The following CELSR1 variants were observed in gnomAD, a reference collection of about 807,000 sequenced individuals.
CELSR1 encodes the protein cadherin EGF LAG seven-pass G-type receptor 1, also known as adhesion G protein-coupled receptor C1.
Under a neutral mutation model 249.1 loss-of-function variants are expected in CELSR1, and 110 were observed. The observed-to-expected ratio is 0.44, with a 90% confidence interval of 0.38 to 0.52. CELSR1 has a LOEUF of 0.52. CELSR1 is among the 20% of genes least tolerant of loss of function. The probability of loss-of-function intolerance (pLI) is 0.00; values close to 1 mark genes in which losing one functional copy is unlikely to be tolerated. For synonymous variants in CELSR1, 2,113 were observed against 1,900.0 expected (o/e 1.11, Z -2.92); for missense variants, 4,109 against 4,296.4 (o/e 0.96, Z 1.22).
chr22:46,402,066 C>A lies in CELSR1; in HGVS notation c.5227-2164G>T, dbSNP rs1395535225. On this transcript the variant is annotated intron_variant, in intron 9 of 34. Transcript: ENST00000674500. The surrounding 1 kb of genome is among the most constrained non-coding windows in gnomAD (Gnocchi z 5.0). ...TCACGCCACCGCACTCCAGCCTGGGCGATGGAGCGAGACTCCATCTCAAAA... is the reference window on the plus strand; with the variant it reads ...TCACGCCACCGCACTCCAGCCTGGGAGATGGAGCGAGACTCCATCTCAAAA... Among the ~76,000 whole-genome samples the A allele has an allele frequency of 1.3e-5, 2 of 151,906 alleles. No individual in the cohort carries two copies. Among genetic ancestry groups the A allele is most frequent in the African/African-American group, 4.8e-5 (2 of 41,338 alleles).
At chr22:46,487,732 G>A (rs1286828619) in intron 1 of CELSR1, among the ~76,000 whole-genome samples, 2 of 103,762 alleles carry the variant, frequency 1.9e-5, no homozygotes, top group Non-Finnish European at 2.0e-5. Flanking sequence ...GGTGGGGGGT[G>A]AGGGGGAGGG....
At chr22:46,475,659 T>TTG (rs71318836) in intron 1 of CELSR1, among the ~76,000 whole-genome samples, 1 of 149,722 alleles carries the variant, frequency 6.7e-6, no homozygotes, top group Admixed American at 6.8e-5. Flanking sequence ...AAGAAACGAA[T>TTG]GGGGGGGGAA....
In CELSR1 at chr22:46,412,559, G is replaced by A. The variant is rs1452745224; in HGVS notation, c.4612-800C>T. On this transcript the variant is annotated intron_variant, in intron 5 of 34. Coordinates refer to ENST00000674500, the MANE Select transcript of CELSR1 (RefSeq NM_001378328.1). This position sits in a 1 kb window ranked among gnomAD's most constrained non-coding sequence, Gnocchi z 4.5. ...GTACAAGAGTTCTTCTGGAATCAGTGACCTTGGGTGAAACCTTTCCCTTCT... is the reference window on the plus strand; with the variant it reads ...GTACAAGAGTTCTTCTGGAATCAGTAACCTTGGGTGAAACCTTTCCCTTCT... Among the ~76,000 whole-genome samples the A allele has an allele frequency of 6.6e-6, 1 of 152,166 alleles. No homozygotes were observed. The highest frequency in any genetic ancestry group is 1.5e-5 in the Non-Finnish European group (1 of 68,038).
chr22:46,432,800 A>AT (rs140171389), intron 5 of CELSR1, among the ~76,000 whole-genome samples: 3,885 of 152,174 alleles, frequency 0.026, 75 homozygotes, highest in African/African-American at 0.048. Flanking sequence ...CTGCAAATGA[A>AT]TAAGCCCTTT....
Position 46,488,893 on chromosome 22 carries a change from T to A in CELSR1, c.3545-24548A>T, listed in dbSNP as rs1271885242. Among the ~76,000 whole-genome samples the A allele has an allele frequency of 6.6e-6, 1 of 151,816 alleles. No homozygotes were observed. The highest frequency in any genetic ancestry group is 1.5e-5 in the Non-Finnish European group (1 of 68,004). On this transcript the variant is annotated intron_variant, in intron 1 of 34. Coordinates refer to ENST00000674500, the MANE Select transcript of CELSR1 (RefSeq NM_001378328.1). The surrounding 1 kb of genome is among the most constrained non-coding windows in gnomAD (Gnocchi z 4.7). Reference sequence around the variant, plus strand: ...CCAGGATGGTCTCGATCTCCTGACCTCATGATCCGCCTGCCTCGGCTTCCC... The same window carrying A: ...CCAGGATGGTCTCGATCTCCTGACCACATGATCCGCCTGCCTCGGCTTCCC...
At position 46,428,560 on chromosome 22, in the gene CELSR1, T is replaced by A. The variant is rs376517812; in HGVS notation, c.4611+4833A>T. 3.9e-5 allele frequency among the ~76,000 whole-genome samples: 6 copies of A among 152,322 alleles called. No individual in the cohort carries two copies. The East Asian group carries it at 9.6e-4, about 24-fold the overall frequency. The stretch of plus-strand genomic sequence containing the variant: ...CATGACCTCAGGGGCCTGACAATGA[T>A]GAAGACCTCTTGGTTGTCAAAACCG... On this transcript the variant is annotated intron_variant, in intron 5 of 34. Transcript: ENST00000674500. This position sits in a 1 kb window ranked among gnomAD's most constrained non-coding sequence, Gnocchi z 5.7.
At position 46,380,091 on chromosome 22, in the gene CELSR1, A is replaced by G. The variant is rs975345917; in HGVS notation, c.7256+697T>C. ...CAAAGCACAAACACTACTGGCTCCC[A>G]GCAGACGGGAGCCACACTGTGGTGC... On this transcript the variant is annotated intron_variant, in intron 22 of 34. Coordinates refer to ENST00000674500, the MANE Select transcript of CELSR1 (RefSeq NM_001378328.1). The surrounding 1 kb of genome is among the most constrained non-coding windows in gnomAD (Gnocchi z 5.1). Among the ~76,000 whole-genome samples, 7 of 152,376 alleles carry G rather than the reference A, an allele frequency of 4.6e-5. No individual in the cohort carries two copies. The highest frequency in any genetic ancestry group is 3.9e-4 in the Admixed American group (6 of 15,312).
chr22:46,478,738 G>C (rs2080236298), intron 1 of CELSR1, among the ~76,000 whole-genome samples: 1 of 148,698 alleles, frequency 6.7e-6, no homozygotes, highest in Non-Finnish European at 1.5e-5. Context: ...ATTTTTAGTA[G>C]AGACGGGGTT....
rs772248884 is a variant in CELSR1, at chr22:46,399,818, C to T, written c.5311G>A (p.Asp1771Asn). 8.1e-6 allele frequency: 13 copies of T among 1,614,034 alleles called. No individual in the cohort carries two copies. Among genetic ancestry groups the T allele is most frequent in the Admixed American group, 6.7e-5 (4 of 60,006 alleles). ...SVMLSGLRVT[D>N]GEWHHLLIEL... The stretch of plus-strand genomic sequence containing the variant: ...ATCAGCAGGTGGTGCCACTCCCCGT[C>T]GGTCACCCGCAACCCGGACAGCATC... The change falls in exon 10 of 35, where the codon GAC (aspartate) becomes AAC (asparagine). Residue 1771 changes from aspartate to asparagine, a missense_variant. Asp to Asn is a conservative substitution (Grantham distance 23). Transcript: ENST00000674500. This position sits in a 1 kb window ranked among gnomAD's most constrained non-coding sequence, Gnocchi z 5.0.
At chr22:46,372,821 T>C (rs1169954080) in intron 25 of CELSR1, 62 bp downstream of exon 25, 1 of 1,537,374 alleles carries the variant, frequency 6.5e-7, no homozygotes, top group Non-Finnish European at 8.8e-7. Flanking sequence ...GCAGCGTTCC[T>C]GCACAGCTGG....
intron 2 of CELSR1, among the ~76,000 whole-genome samples, chr22:46,453,544 C>A (rs1202949243): frequency 6.6e-6 from 1 of 152,226 alleles, no homozygotes; most frequent in African/African-American, 2.4e-5. Context: ...CACACCCAGC[C>A]CTGGCAGGCC....
Position 46,509,775 on chromosome 22 carries a change from G to A in CELSR1, c.3544+23852C>T, listed in dbSNP as rs375154223. ...AGCTGGGAGGAGGGGTTTCACGAGG[G>A]GATGGCTGTGGGGGTCAACAGGGTA... On this transcript the variant is annotated intron_variant, in intron 1 of 34. Transcript: ENST00000674500. Among the ~76,000 whole-genome samples, 586 of 152,264 alleles carry A rather than the reference G, an allele frequency of 3.8e-3. 4 individuals carry two copies. The highest frequency in any genetic ancestry group is 0.013 in the African/African-American group (548 of 41,538).
intron 2 of CELSR1, among the ~76,000 whole-genome samples, chr22:46,443,706 C>A (rs1297895187): frequency 6.6e-6 from 1 of 152,248 alleles, no homozygotes; most frequent in Non-Finnish European, 1.5e-5. Flanking sequence ...CCCTCACAGA[C>A]ACCTCACATC....
chr22:46,424,516 A>G (rs542974852), intron 5 of CELSR1, among the ~76,000 whole-genome samples: 5 of 152,176 alleles, frequency 3.3e-5, no homozygotes, highest in African/African-American at 1.2e-4. Flanking sequence ...AGATAGTATA[A>G]TATCAAACCC....
chr22:46,377,449 TGCCCTGG>T (rs925612357), intron 23 of CELSR1, 188 bp from the exon 24 acceptor site: 9 of 640,178 alleles, frequency 1.4e-5, no homozygotes, highest in East Asian at 8.4e-5. Context: ...GCTCCTTCAA[TGCCCTGG>T]GCCCTGGGCA....
At position 46,380,073 on chromosome 22, in the gene CELSR1, C is replaced by T. The variant is rs2078960512; in HGVS notation, c.7256+715G>A. On this transcript the variant is annotated intron_variant, in intron 22 of 34. Coordinates refer to ENST00000674500, the MANE Select transcript of CELSR1 (RefSeq NM_001378328.1). This position sits in a 1 kb window ranked among gnomAD's most constrained non-coding sequence, Gnocchi z 5.1. ...GCAGCTAAAAAGCAAAACCAAAGCA[C>T]AAACACTACTGGCTCCCAGCAGACG... Among the ~76,000 whole-genome samples the T allele has an allele frequency of 1.3e-5, 2 of 152,264 alleles. No individual in the cohort carries two copies. Among genetic ancestry groups the T allele is most frequent in the Non-Finnish European group, 2.9e-5 (2 of 68,052 alleles).
At chr22:46,388,138 C>G (rs2079051141) in intron 18 of CELSR1, among the ~76,000 whole-genome samples, 2 of 152,134 alleles carry the variant, frequency 1.3e-5, no homozygotes, top group Admixed American at 6.5e-5. Context: ...CACCTGAGGT[C>G]AGGAGTTCGA....
rs2079583585 is a variant in CELSR1, at chr22:46,430,564, G to A, written c.4611+2829C>T. ...TCCAGCCCCAACGCCTCCTCCTCCTGGGGGTCCCCTCCCACCCTGAGCCTG... is the reference window on the plus strand; with the variant it reads ...TCCAGCCCCAACGCCTCCTCCTCCTAGGGGTCCCCTCCCACCCTGAGCCTG... On this transcript the variant is annotated intron_variant, in intron 5 of 34. Transcript: ENST00000674500. The surrounding 1 kb of genome is among the most constrained non-coding windows in gnomAD (Gnocchi z 4.6). Among the ~76,000 whole-genome samples, 2 of 152,152 alleles carry A rather than the reference G, an allele frequency of 1.3e-5. No homozygotes were observed. Among genetic ancestry groups the A allele is most frequent in the South Asian group, 4.2e-4 (2 of 4,818 alleles).
intron 11 of CELSR1, 88 bp from the exon 12 acceptor site, chr22:46,397,936 C>T (rs572782501): frequency 2.8e-4 from 319 of 1,138,080 alleles, no homozygotes; most frequent in Non-Finnish European, 3.5e-4. Flanking sequence ...TGGTCCCTTG[C>T]GAGGCATTCA....
Sources: gnomAD v4.1 joint callset for allele counts (sites outside exome capture counted in the v4.1 genomes callset) on GRCh38, gnomAD v4.1.1 for gene constraint, Gnocchi (gnomAD v3.1) non-coding constraint, MANE v1.5 for transcripts, NCBI Gene and HGNC (gene_info 2026-07-23, HGNC 2026-07-21) for gene names.